The following ZSCAN5A variants were observed in gnomAD, a reference collection of about 807,000 sequenced individuals.
ZSCAN5A encodes zinc finger and SCAN domain-containing protein 5A.
ZSCAN5A carries 12 observed loss-of-function variants against 23.7 expected under a neutral mutation model. The observed-to-expected ratio is 0.51, with a 90% CI of 0.32 to 0.82. The LOEUF (loss-of-function observed/expected upper bound fraction) is 0.82, where lower values mean the gene tolerates loss of function less well. ZSCAN5A is among the 40% of genes least tolerant of loss of function. The pLI, the probability that ZSCAN5A is intolerant of heterozygous loss-of-function variation, is 0.03. For synonymous variants in ZSCAN5A, 257 were observed against 239.9 expected, an observed-to-expected ratio of 1.07 and a Z score of -0.66; for missense variants, 597 against 617.9, an observed-to-expected ratio of 0.97 and a Z score of 0.36.
intron 2 of ZSCAN5A, among the ~76,000 whole-genome samples, chr19:56,302,679 C>T (rs1309341840): frequency 7.8e-6 from 1 of 128,558 alleles, no homozygotes; most frequent in African/African-American, 2.8e-5. Context: ...CTTCCTCCTT[C>T]CCTCCTTCTC....
rs539993757 is a variant in ZSCAN5A at position 56,352,723 on chromosome 19, A to G, written c.-358+10512T>C. On this transcript the variant is annotated intron_variant, in intron 2 of 6. Coordinates refer to the ZSCAN5A transcript ENST00000587340. This position sits in a 1 kb window ranked among gnomAD's most constrained non-coding sequence, Gnocchi z 4.2. Reference sequence around the variant, plus strand: ...AGGCAGGCCAAAGATTTAGACATTAAGAGTGGAACATGGGAAATCTGATCA... The same window carrying G: ...AGGCAGGCCAAAGATTTAGACATTAGGAGTGGAACATGGGAAATCTGATCA... Among the ~76,000 whole-genome samples, 1 of 152,352 alleles carries G rather than the reference A, an allele frequency of 6.6e-6. No homozygotes were observed. The highest frequency in any genetic ancestry group is 2.1e-4 in the South Asian group (1 of 4,828).
chr19:56,291,809 T>C (rs2147159897), intron 2 of ZSCAN5A, among the ~76,000 whole-genome samples: 1 of 152,280 alleles, frequency 6.6e-6, no homozygotes, highest in Non-Finnish European at 1.5e-5. Context: ...AGATGGGATG[T>C]CTCATGGAAA....
rs1012679957 is a variant in ZSCAN5A at position 56,233,611 on chromosome 19, C to T, written c.-127-8438G>A. Among the ~76,000 whole-genome samples, 171 of 117,846 alleles carry T rather than the reference C, an allele frequency of 1.5e-3. 2 individuals carry two copies. The highest frequency in any genetic ancestry group is 0.014 in the Admixed American group (169 of 11,690). 77.3% of individuals were successfully genotyped at this position (117,846 alleles called of 152,430 possible). On this transcript the variant is annotated intron_variant, in intron 2 of 5. Coordinates refer to ENST00000683990, the MANE Select transcript of ZSCAN5A (RefSeq NM_001322064.3). ...AATCCTATACTTTTCTATGAAATCACCTTTTTTTTTTTTTTTGGAGATCTC... is the reference window on the plus strand; with the variant it reads ...AATCCTATACTTTTCTATGAAATCATCTTTTTTTTTTTTTTTGGAGATCTC...
chr19:56,245,050 G>A (rs114763108), intron 2 of ZSCAN5A, among the ~76,000 whole-genome samples: 3,664 of 151,380 alleles, frequency 0.024, 148 homozygotes, highest in African/African-American at 0.082. Flanking sequence ...ATGTACTTAT[G>A]TAGAAAAGGA....
intron 2 of ZSCAN5A, among the ~76,000 whole-genome samples, chr19:56,353,907 T>C (rs2147462520): frequency 6.6e-6 from 1 of 152,270 alleles, no homozygotes; most frequent in Admixed American, 6.5e-5. Context: ...CATCGACAGA[T>C]GAACAGATAA....
chr19:56,365,552 C>A (rs1266724509), intron 1 of ZSCAN5A, among the ~76,000 whole-genome samples: 1 of 152,150 alleles, frequency 6.6e-6, no homozygotes, highest in Admixed American at 6.5e-5. Flanking sequence ...AGTTTCTGGT[C>A]CAGCAAGGAG....
intron 2 of ZSCAN5A, among the ~76,000 whole-genome samples, chr19:56,289,611 T>G (rs2039377982): frequency 6.6e-6 from 1 of 152,110 alleles, no homozygotes; most frequent in Non-Finnish European, 1.5e-5. Context: ...GTGGTCTGTT[T>G]GTTTGTTTTT....
chr19:56,263,967 A>G (rs1409118487), intron 2 of ZSCAN5A, among the ~76,000 whole-genome samples: 1 of 133,212 alleles, frequency 7.5e-6, no homozygotes, highest in African/African-American at 3.4e-5. Context: ...AAGCTCCAAG[A>G]AAAACTTTTT....
At chr19:56,322,417 CG>C in intron 2 of ZSCAN5A, 1 of 608,102 alleles carries the variant, frequency 1.6e-6, no homozygotes, top group Non-Finnish European at 3.0e-6. Context: ...GTCCAGGAGG[CG>C]GGCGACCCCG....
chr19:56,276,599 C>T (rs1050175738), intron 2 of ZSCAN5A, among the ~76,000 whole-genome samples: 5 of 149,592 alleles, frequency 3.3e-5, no homozygotes, highest in African/African-American at 9.8e-5. Flanking sequence ...TGTAGTGGTG[C>T]GATCTGGGTT....
At chr19:56,320,142 T>C in intron 2 of ZSCAN5A, 1 of 743,146 alleles carries the variant, frequency 1.3e-6, no homozygotes, top group Non-Finnish European at 2.5e-6. Context: ...GATCAAAGTT[T>C]AGTCTGTTTC....
chr19:56,307,279 T>TG (rs2040751274), intron 2 of ZSCAN5A, among the ~76,000 whole-genome samples: 1 of 152,168 alleles, frequency 6.6e-6, no homozygotes, highest in Admixed American at 6.5e-5. Flanking sequence ...CATTAAAAAA[T>TG]GTCAACTCGA....
chr19:56,274,503 T>A (rs867135604), intron 2 of ZSCAN5A: 8 of 151,940 alleles, frequency 5.3e-5, no homozygotes, highest in African/African-American at 1.7e-4. Context: ...ACACGTTTTT[T>A]AAAAAATTTA....
chr19:56,336,266 G>A (rs1256031175), intron 2 of ZSCAN5A, among the ~76,000 whole-genome samples: 3 of 152,140 alleles, frequency 2.0e-5, no homozygotes, highest in Non-Finnish European at 2.9e-5. Flanking sequence ...CATATTTCTT[G>A]GAGGCTTTGT....
At chr19:56,270,923 T>A (rs1484891430) in intron 2 of ZSCAN5A, among the ~76,000 whole-genome samples, 1 of 152,242 alleles carries the variant, frequency 6.6e-6, no homozygotes, top group Non-Finnish European at 1.5e-5. Context: ...CCCTAAAGCA[T>A]GAGTTCCTCA....
At chr19:56,329,363 AAAACAAAC>A (rs746111155) in intron 2 of ZSCAN5A, among the ~76,000 whole-genome samples, 4 of 152,204 alleles carry the variant, frequency 2.6e-5, no homozygotes, top group Non-Finnish European at 5.9e-5. Context: ...AACAAAAACA[AAAACAAAC>A]AAACAAACAA....
At chr19:56,267,699 A>G (rs2037569415) in intron 2 of ZSCAN5A, among the ~76,000 whole-genome samples, 1 of 152,148 alleles carries the variant, frequency 6.6e-6, no homozygotes, top group South Asian at 2.1e-4. Flanking sequence ...CCTGCCAATT[A>G]CTAGTGGTGT....
chr19:56,294,195 C>T (rs901426854), intron 2 of ZSCAN5A, among the ~76,000 whole-genome samples: 7 of 152,230 alleles, frequency 4.6e-5, no homozygotes, highest in African/African-American at 1.7e-4. Flanking sequence ...CCAAACCCAG[C>T]AGGAAAATCC....
chr19:56,295,342 C>T (rs2039795526), intron 2 of ZSCAN5A, among the ~76,000 whole-genome samples: 1 of 151,994 alleles, frequency 6.6e-6, no homozygotes, highest in Non-Finnish European at 1.5e-5. Context: ...ACCTGTAATC[C>T]CAGCACTTTG....
Sources: allele counts gnomAD v4.1 joint callset (sites outside exome capture counted in the v4.1 genomes callset), GRCh38; gene constraint gnomAD v4.1.1; non-coding constraint Gnocchi (gnomAD v3.1); transcripts MANE v1.5; gene names NCBI Gene and HGNC (gene_info 2026-07-23, HGNC 2026-07-21).